The following METTL8 variants were observed in gnomAD, a reference collection of about 807,000 sequenced individuals.
METTL8 encodes methyltransferase 8, tRNA N3-cytidine, also known as tRNA N(3)-cytidine methyltransferase METTL8, mitochondrial.
A neutral mutation model predicts 48.7 loss-of-function variants in METTL8; 32 were observed. The ratio of observed to expected loss-of-function variants is 0.66; its 90% CI spans 0.50 to 0.88. METTL8 has a LOEUF of 0.88. Ranked by LOEUF, METTL8 falls within the 40% of genes least tolerant of loss-of-function variation. METTL8 has a pLI of 0.00. For missense variants in METTL8, 464 were observed against 474.4 expected (o/e 0.98, Z 0.20); for synonymous variants, 136 against 157.1 (o/e 0.87, Z 1.01).
At chr2:171,419,038 CCT>C (rs1691618061) in intron 1 of METTL8, among the ~76,000 whole-genome samples, 1 of 151,002 alleles carries the variant, frequency 6.6e-6, no homozygotes, top group African/African-American at 2.4e-5. Flanking sequence ...AAAAAAAAAT[CCT>C]CTTTCAGTTG....
At chr2:171,348,620 T>G (rs779211139) in intron 3 of METTL8, among the ~76,000 whole-genome samples, 8 of 151,948 alleles carry the variant, frequency 5.3e-5, no homozygotes, top group Non-Finnish European at 1.0e-4. Flanking sequence ...GTGGGATTAG[T>G]GGGGTCAGGG....
At chr2:171,355,613 C>T (rs941238890) in intron 3 of METTL8, among the ~76,000 whole-genome samples, 1 of 152,348 alleles carries the variant, frequency 6.6e-6, no homozygotes, top group East Asian at 1.9e-4. Context: ...TGGTGGGCTA[C>T]ACCCAGTTCG....
chr2:171,335,051 G>A (rs1234665804), intron 5 of METTL8, among the ~76,000 whole-genome samples: 2 of 152,180 alleles, frequency 1.3e-5, no homozygotes, highest in African/African-American at 4.8e-5. Flanking sequence ...TGTATTATAA[G>A]CTCAGAGACC....
Position 171,317,073 on chromosome 2 carries a change from T to TAAAAACA in METTL8, c.*7092_*7098dup, listed in dbSNP as rs1684297960. On this transcript the variant is annotated 3_prime_UTR_variant, in exon 10 of 10. Transcript: ENST00000375258. The stretch of plus-strand genomic sequence containing the variant: ...GTTGCTTGTGCTAAGTACAGAGCAT[T>TAAAAACA]AAAAACAAAAAACAAAAAAGCCCCA... 6.6e-6 allele frequency among the ~76,000 whole-genome samples: 1 copy of TAAAAACA among 152,086 alleles called. No individual in the cohort carries two copies. Among genetic ancestry groups the TAAAAACA allele is most frequent in the South Asian group, 2.1e-4 (1 of 4,830 alleles).
intron 7 of METTL8, among the ~76,000 whole-genome samples, chr2:171,328,147 A>G (rs1356453938): frequency 6.6e-6 from 1 of 152,180 alleles, no homozygotes; most frequent in African/African-American, 2.4e-5. Context: ...CAGGAATGGT[A>G]TGAAGCCCCT....
intron 7 of METTL8, 125 bp from the exon 8 acceptor site, chr2:171,326,273 C>T (rs1255976998): frequency 5.2e-6 from 3 of 580,478 alleles, no homozygotes; most frequent in African/African-American, 3.9e-5. Context: ...AAACCATAAA[C>T]ATAAGGGTAA....
chr2:171,359,926 T>C (rs1326536214), intron 3 of METTL8, among the ~76,000 whole-genome samples: 1 of 152,198 alleles, frequency 6.6e-6, no homozygotes, highest in Non-Finnish European at 1.5e-5. Context: ...GCCAATTTTT[T>C]AAAAGCCATT....
chr2:171,322,937 T>C lies in METTL8; in HGVS notation c.*1235A>G, dbSNP rs1684604769. 1 of 152,160 alleles carries C rather than the reference T, an allele frequency of 6.6e-6. No individual in the cohort carries two copies. Among genetic ancestry groups the C allele is most frequent in the Non-Finnish European group, 1.5e-5 (1 of 68,036 alleles). 9.4% of individuals were successfully genotyped at this position (152,160 alleles called of 1,614,324 possible). The stretch of plus-strand genomic sequence containing the variant: ...ATGTTGCCATGGCATTTGTAAACTA[T>C]CATGGCACTGGTGGGAGTGTAGCAG... On this transcript the variant is annotated 3_prime_UTR_variant, in exon 10 of 10. Coordinates refer to ENST00000375258, the MANE Select transcript of METTL8 (RefSeq NM_001321154.2).
chr2:171,326,071 T>C lies in METTL8; in HGVS notation c.938A>G (p.Tyr313Cys). 6.5e-7 allele frequency: 1 copy of C among 1,547,982 alleles called. No homozygotes were observed. The highest frequency in any genetic ancestry group is 8.7e-7 in the Non-Finnish European group (1 of 1,144,552). ...TTTAAAACGAAGCTGAGTCTTATCA[T>C]ATCTTCCATAGTCTCGAAATAACAG... ...GMLLFRDYGR[Y>C]DKTQLRFKKG... The change falls in exon 8 of 10, where the codon TAT (tyrosine) becomes TGT (cysteine). Residue 313 changes from tyrosine to cysteine, a missense_variant. Transcript: ENST00000375258.
At chr2:171,392,232 G>C in intron 1 of METTL8, 35 bp from the exon 2 acceptor site, 8 of 1,517,944 alleles carry the variant, frequency 5.3e-6, no homozygotes, top group Non-Finnish European at 7.1e-6. Context: ...AGTCAACATA[G>C]ATTAAACAGT....
intron 2 of METTL8, among the ~76,000 whole-genome samples, chr2:171,384,683 T>A (rs547127501): frequency 1.3e-5 from 2 of 150,780 alleles, no homozygotes; most frequent in South Asian, 4.2e-4. Flanking sequence ...AATAAAAAAT[T>A]AGCCAGGTGT....
chr2:171,402,936 T>G (rs921778756), intron 1 of METTL8, among the ~76,000 whole-genome samples: 1 of 152,138 alleles, frequency 6.6e-6, no homozygotes, highest in African/African-American at 2.4e-5. Flanking sequence ...TAGAATACTC[T>G]GAGCAACAAA....
rs1183709917 is a variant in METTL8, at chr2:171,325,865, T to A, written c.1009A>T (p.Thr337Ser). Residue 337 changes from threonine (T) to serine (S), a missense_variant, in exon 9 of 10, where the codon ACC becomes TCC. Thr to Ser is a moderately conservative substitution (Grantham distance 58, BLOSUM62 1). Transcript: ENST00000375258. ...CCTTTTGTAAAGAAATATGCTCTGG[T>A]ACCATCTCCTCGAACATAAAAATTT... is the stretch of plus-strand genomic sequence containing the variant. Reference protein sequence around the residue: ...SENFYVRGDGTRAYFFTKGEV... With the variant: ...SENFYVRGDGSRAYFFTKGEV... 1.3e-6 allele frequency: 2 copies of A among 1,596,666 alleles called. No individual in the cohort carries two copies. Among genetic ancestry groups the A allele is most frequent in the Admixed American group, 3.4e-5 (2 of 58,630 alleles).
At chr2:171,339,039 T>C in intron 4 of METTL8, 145 bp downstream of exon 4, 1 of 567,744 alleles carries the variant, frequency 1.8e-6, no homozygotes, top group Non-Finnish European at 2.7e-6. Context: ...CCCTTAGATA[T>C]TATTTATGCA....
At chr2:171,434,478 C>G (rs1424591058), upstream of METTL8, 14 of 1,516,380 alleles carry the variant, frequency 9.2e-6, no homozygotes, top group Non-Finnish European at 1.2e-5. Context: ...CCGGGAAAGT[C>G]TGGGCCTCGA....
At chr2:171,419,500 C>T (rs111818565) in intron 1 of METTL8, among the ~76,000 whole-genome samples, 67 of 152,234 alleles carry the variant, frequency 4.4e-4, no homozygotes, top group African/African-American at 1.6e-3. Flanking sequence ...AATAATTGTT[C>T]GATTCTAGTA....
At chr2:171,387,063 T>A (rs1688125039) in intron 2 of METTL8, among the ~76,000 whole-genome samples, 1 of 152,008 alleles carries the variant, frequency 6.6e-6, no homozygotes, top group South Asian at 2.1e-4. Context: ...TTGCACTCAT[T>A]CTCCAAGCTC....
rs1250217245 is a variant in METTL8 at position 171,384,234 on chromosome 2, G to A, written c.143+7809C>T. Among the ~76,000 whole-genome samples, 7 of 152,192 alleles carry A rather than the reference G, an allele frequency of 4.6e-5. 1 individual carries two copies. Among genetic ancestry groups the A allele is most frequent in the Middle Eastern group, 6.3e-3 (2 of 316 alleles). On this transcript the variant is annotated intron_variant, in intron 2 of 9. Coordinates refer to ENST00000375258, the MANE Select transcript of METTL8 (RefSeq NM_001321154.2). ...TGAAATATCCAGAATGGCTGGGTGC[G>A]GAGACTTAAACGTCTGTAATCCCAG...
At position 171,414,046 on chromosome 2, in the gene METTL8, A is replaced by T. The variant is rs969789282; in HGVS notation, c.-13+19837T>A. On this transcript the variant is annotated intron_variant, in intron 1 of 9. Coordinates refer to ENST00000375258, the MANE Select transcript of METTL8 (RefSeq NM_001321154.2). Reference sequence around the variant, plus strand: ...TATTTGTATATTACACTGAAAAACTACAATACAAATATTAATTTTTAGAAG... The same window carrying T: ...TATTTGTATATTACACTGAAAAACTTCAATACAAATATTAATTTTTAGAAG... Among the ~76,000 whole-genome samples, 8 of 152,358 alleles carry T rather than the reference A, an allele frequency of 5.3e-5. 1 individual carries two copies. The highest frequency in any genetic ancestry group is 1.9e-4 in the African/African-American group (8 of 41,578).
Sources: gnomAD v4.1 joint callset for allele counts (sites outside exome capture counted in the v4.1 genomes callset) on GRCh38, gnomAD v4.1.1 for gene constraint, MANE v1.5 for transcripts, NCBI Gene and HGNC (gene_info 2026-07-23, HGNC 2026-07-21) for gene names.